PTPRE: variants seen among roughly 807,000 people sequenced by gnomAD.
PTPRE encodes the protein receptor-type tyrosine-protein phosphatase epsilon.
A neutral mutation model predicts 102.0 loss-of-function variants in PTPRE; 51 were observed. The ratio of observed to expected loss-of-function variants is 0.50; its 90% CI spans 0.40 to 0.63. The LOEUF (loss-of-function observed/expected upper bound fraction) is 0.63. PTPRE is among the 30% of genes least tolerant of loss of function. The pLI, the probability that PTPRE is intolerant of heterozygous loss-of-function variation, is 0.00. For missense variants in PTPRE, 752 were observed against 915.1 expected (o/e 0.82, Z 2.30); for synonymous variants, 345 against 348.2 (o/e 0.99, Z 0.10).
intron 1 of PTPRE, among the ~76,000 whole-genome samples, chr10:127,967,748 A>C (rs147440337): frequency 1.3e-3 from 201 of 152,300 alleles, no homozygotes; most frequent in African/African-American, 4.3e-3. Context: ...CAGATCAAGG[A>C]ATGTGACAGG....
intron 2 of PTPRE, chr10:127,999,954 G>T (rs1287035581): frequency 1.0e-6 from 1 of 985,264 alleles, no homozygotes; most frequent in Non-Finnish European, 1.2e-6. Flanking sequence ...CTGAGAACGC[G>T]GTGCTCTGTA....
At chr10:128,040,008 GC>G (rs1847543040) in intron 2 of PTPRE, among the ~76,000 whole-genome samples, 1 of 152,204 alleles carries the variant, frequency 6.6e-6, no homozygotes, top group Non-Finnish European at 1.5e-5. Context: ...GCATGAAAGA[GC>G]CTTTTTCTGT....
chr10:128,019,286 G>A (rs1845674038), intron 2 of PTPRE, among the ~76,000 whole-genome samples: 1 of 152,218 alleles, frequency 6.6e-6, no homozygotes, highest in Admixed American at 6.5e-5. Context: ...GAGTGAAGAT[G>A]GCAGTTCCCG....
Position 127,907,426 on chromosome 10 carries a change from G to A in PTPRE, c.-31+117G>A. On this transcript the variant is annotated intron_variant, in intron 1 of 20. Coordinates refer to ENST00000254667, the MANE Select transcript of PTPRE (RefSeq NM_006504.6). This position sits in a 1 kb window ranked among gnomAD's most constrained non-coding sequence, Gnocchi z 4.8. ...TGCCGCGGGAGGGAGGGGCCGCTCC[G>A]GGGCTCAGAGTCCGGACCCCGGCCC... The A allele has an allele frequency of 1.3e-6, 1 of 787,562 alleles. No individual in the cohort carries two copies. Among genetic ancestry groups the A allele is most frequent in the Non-Finnish European group, 1.5e-6 (1 of 650,108 alleles). 48.8% of individuals were successfully genotyped at this position (787,562 alleles called of 1,614,324 possible).
chr10:127,963,529 T>C (rs892982676), intron 1 of PTPRE, among the ~76,000 whole-genome samples: 1 of 152,204 alleles, frequency 6.6e-6, no homozygotes, highest in African/African-American at 2.4e-5. Flanking sequence ...TTGTCTTTGA[T>C]AAATAACATA....
At chr10:127,985,959 C>T (rs548571714) in intron 2 of PTPRE, among the ~76,000 whole-genome samples, 2 of 152,056 alleles carry the variant, frequency 1.3e-5, no homozygotes, top group African/African-American at 4.8e-5. Flanking sequence ...AGTGTGGTGG[C>T]GGGTGCCTGT....
intron 2 of PTPRE, among the ~76,000 whole-genome samples, chr10:127,996,326 G>A (rs941576039): frequency 3.3e-5 from 5 of 152,206 alleles, no homozygotes; most frequent in Admixed American, 6.5e-5. Flanking sequence ...CGTCAAAATC[G>A]CTTTCCACCA....
At chr10:127,954,834 G>C (rs1284846473) in intron 1 of PTPRE, among the ~76,000 whole-genome samples, 3 of 151,998 alleles carry the variant, frequency 2.0e-5, no homozygotes, top group Non-Finnish European at 4.4e-5. Context: ...TGACCCACTA[G>C]CAAAATTTTT....
At chr10:128,003,468 C>T (rs1175890761) in intron 2 of PTPRE, among the ~76,000 whole-genome samples, 3 of 152,108 alleles carry the variant, frequency 2.0e-5, no homozygotes, top group Non-Finnish European at 4.4e-5. Context: ...TGAAACTATA[C>T]TCTGTTACAT....
chr10:127,965,626 A>T (rs1305029651), intron 1 of PTPRE, among the ~76,000 whole-genome samples: 2 of 152,214 alleles, frequency 1.3e-5, no homozygotes, highest in Admixed American at 1.3e-4. Context: ...CTTTTACTTT[A>T]TGTTGAACAA....
In PTPRE at chr10:128,049,521, A is replaced by C. The variant is rs1252017265; in HGVS notation, c.284-9A>C. On this transcript the variant is annotated splice_polypyrimidine_tract_variant and intron_variant, in intron 5 of 20. Transcript: ENST00000254667. ...CTAAATGGCCCCCATGTTTCTTTTG[A>C]TCCCACAGAGCAGCAAAGGGTGATG... 1 of 1,613,170 alleles carries C rather than the reference A, an allele frequency of 6.2e-7. No individual in the cohort carries two copies. The highest frequency in any genetic ancestry group is 1.1e-5 in the South Asian group (1 of 91,040).
intron 1 of PTPRE, among the ~76,000 whole-genome samples, chr10:127,950,210 A>G (rs1848916139): frequency 6.6e-6 from 1 of 152,106 alleles, no homozygotes; most frequent in Non-Finnish European, 1.5e-5. Flanking sequence ...TATTAAGGGT[A>G]TGGACTAACA....
chr10:128,085,355 C>A lies in PTPRE; in HGVS notation c.*2449C>A. 1 of 253,100 alleles carries A rather than the reference C, an allele frequency of 4.0e-6. No homozygotes were observed. Among genetic ancestry groups the A allele is most frequent in the Non-Finnish European group, 8.2e-6 (1 of 121,804 alleles). The allele number at this position is 253,100 out of a possible 1,614,324, so 15.7% of individuals were successfully genotyped here. ...CAGCCCCCAAACAGCCCAGTGCCGA[C>A]ACCATTGTTCCTTTCACACTTTCCT... is the stretch of plus-strand genomic sequence containing the variant. On this transcript the variant is annotated 3_prime_UTR_variant, in exon 21 of 21. Transcript: ENST00000254667.
At chr10:127,925,788 G>A (rs1030471986) in intron 1 of PTPRE, among the ~76,000 whole-genome samples, 18 of 152,124 alleles carry the variant, frequency 1.2e-4, no homozygotes, top group African/African-American at 4.3e-4. Context: ...CTTGGCGGAG[G>A]GAATGTGAGT....
chr10:127,929,445 A>T (rs993537157), intron 1 of PTPRE: 1 of 152,240 alleles, frequency 6.6e-6, no homozygotes, highest in African/African-American at 2.4e-5. Flanking sequence ...CATTTATTTA[A>T]CAACTACAGA....
chr10:128,037,300 T>C (rs1309641961), intron 2 of PTPRE, among the ~76,000 whole-genome samples: 1 of 152,240 alleles, frequency 6.6e-6, no homozygotes, highest in African/African-American at 2.4e-5. Context: ...TTCACTCCTC[T>C]GTCCCCTGGC....
intron 1 of PTPRE, among the ~76,000 whole-genome samples, chr10:127,946,027 C>T (rs942657417): frequency 6.6e-6 from 1 of 152,092 alleles, no homozygotes; most frequent in African/African-American, 2.4e-5. Flanking sequence ...CATCTGGCAC[C>T]TTGAGGTGAA....
chr10:127,992,040 C>T (rs1852718502), intron 2 of PTPRE, among the ~76,000 whole-genome samples: 1 of 152,148 alleles, frequency 6.6e-6, no homozygotes, highest in Non-Finnish European at 1.5e-5. Flanking sequence ...CCTCCCTGTG[C>T]CCAGCACCTC....
intron 2 of PTPRE, among the ~76,000 whole-genome samples, chr10:127,991,953 G>A (rs576454415): frequency 3.3e-5 from 5 of 152,282 alleles, no homozygotes; most frequent in Middle Eastern, 3.4e-3. Flanking sequence ...AGCACAGGCC[G>A]CCCTATCTTT....
Sources: allele counts gnomAD v4.1 joint callset (sites outside exome capture counted in the v4.1 genomes callset), GRCh38; gene constraint gnomAD v4.1.1; non-coding constraint Gnocchi (gnomAD v3.1); transcripts MANE v1.5; gene names NCBI Gene and HGNC (gene_info 2026-07-23, HGNC 2026-07-21).